The following PLCB1 variants were observed in gnomAD, a reference collection of about 807,000 sequenced individuals.
The protein encoded by PLCB1 is 1-phosphatidylinositol 4,5-bisphosphate phosphodiesterase beta-1.
In PLCB1, 46 loss-of-function variants were observed where a neutral mutation model predicts 161.8. The ratio of observed to expected loss-of-function variants is 0.28; its 90% CI spans 0.22 to 0.36. The LOEUF is 0.36. Among genes scored for constraint, PLCB1 ranks in the 10% least tolerant of loss-of-function variants. PLCB1 has a pLI of 1.00. For missense variants in PLCB1, 1,016 were observed against 1,472.5 expected, an observed-to-expected ratio of 0.69 and a Z score of 5.07; for synonymous variants, 517 against 503.7, an observed-to-expected ratio of 1.03 and a Z score of -0.35.
Position 8,199,775 on chromosome 20 carries a change from G to A in PLCB1, c.177+49404G>A, listed in dbSNP as rs375778868. Among the ~76,000 whole-genome samples, 19 of 151,882 alleles carry A rather than the reference G, an allele frequency of 1.3e-4. No homozygotes were observed. In the East Asian group the frequency reaches 2.1e-3, roughly 17 times the overall value. Reference sequence around the variant, plus strand: ...AACTACATAATGAAGATCTTTGTACGTACTAATATTTAATATGTGATAATG... The same window carrying A: ...AACTACATAATGAAGATCTTTGTACATACTAATATTTAATATGTGATAATG... On this transcript the variant is annotated intron_variant, in intron 2 of 31. Coordinates refer to ENST00000338037, the MANE Select transcript of PLCB1 (RefSeq NM_015192.4).
intron 4 of PLCB1, among the ~76,000 whole-genome samples, chr20:8,644,977 G>A (rs1989118970): frequency 6.6e-6 from 1 of 152,158 alleles, no homozygotes; most frequent in South Asian, 2.1e-4. Flanking sequence ...ATTTTGTTCT[G>A]TACTAAGAAA....
At chr20:8,242,688 A>G (rs1218885104) in intron 2 of PLCB1, among the ~76,000 whole-genome samples, 1 of 151,990 alleles carries the variant, frequency 6.6e-6, no homozygotes, top group Admixed American at 6.6e-5. Flanking sequence ...TGAGGATGCA[A>G]GAAGTTACCT....
At chr20:8,188,285 C>G (rs565146201) in intron 2 of PLCB1, among the ~76,000 whole-genome samples, 1 of 152,074 alleles carries the variant, frequency 6.6e-6, no homozygotes, top group Non-Finnish European at 1.5e-5. Context: ...ATTCCTTTGG[C>G]CAAAGCAAGT....
intron 23 of PLCB1, among the ~76,000 whole-genome samples, chr20:8,749,421 T>C (rs1981339740): frequency 6.6e-6 from 1 of 152,218 alleles, no homozygotes; most frequent in Admixed American, 6.5e-5. Context: ...CTGGGAATTA[T>C]CCAGAATTTG....
intron 2 of PLCB1, among the ~76,000 whole-genome samples, chr20:8,186,739 G>T (rs1436829839): frequency 6.6e-6 from 1 of 151,460 alleles, no homozygotes; most frequent in Non-Finnish European, 1.5e-5. Context: ...AAAAAAGGGA[G>T]GCAGCTGGGG....
chr20:8,422,405 A>C (rs546404463), intron 3 of PLCB1, among the ~76,000 whole-genome samples: 1 of 152,348 alleles, frequency 6.6e-6, no homozygotes, highest in African/African-American at 2.4e-5. Context: ...AAATATCTCT[A>C]TCAGAAGCAA....
chr20:8,398,752 T>C lies in PLCB1; in HGVS notation c.246+27302T>C, dbSNP rs187640023. On this transcript the variant is annotated intron_variant, in intron 3 of 31. Coordinates refer to ENST00000338037, the MANE Select transcript of PLCB1 (RefSeq NM_015192.4). Reference sequence around the variant, plus strand: ...ATTCACTTAATAGCACAATGCTCATTTGCATAATTTGCACTTTTTTTTTTT... The same window carrying C: ...ATTCACTTAATAGCACAATGCTCATCTGCATAATTTGCACTTTTTTTTTTT... Among the ~76,000 whole-genome samples, 1,451 of 152,200 alleles carry C rather than the reference T, an allele frequency of 9.5e-3. 13 individuals are homozygous for C. The highest frequency in any genetic ancestry group is 0.012 in the Non-Finnish European group (806 of 68,022).
At chr20:8,791,039 GTTAAAAAACGTTAGTTTTATT>G (rs1457327561) in intron 31 of PLCB1, among the ~76,000 whole-genome samples, 3 of 151,968 alleles carry the variant, frequency 2.0e-5, no homozygotes, top group Non-Finnish European at 4.4e-5. Context: ...AGTCCTAAAA[GTTAAAAAACGTTAGTTTTATT>G]TAATTGTATG....
At chr20:8,679,276 T>C (rs1479170276) in intron 9 of PLCB1, among the ~76,000 whole-genome samples, 2 of 152,198 alleles carry the variant, frequency 1.3e-5, no homozygotes, top group East Asian at 1.9e-4. Context: ...TTTTAGAAGC[T>C]AATAGATAAA....
chr20:8,209,309 G>C (rs1978696738), intron 2 of PLCB1, among the ~76,000 whole-genome samples: 1 of 152,076 alleles, frequency 6.6e-6, no homozygotes, highest in African/African-American at 2.4e-5. Flanking sequence ...AAGCCAGTTT[G>C]CAGTTTTTCA....
At chr20:8,482,516 CT>C (rs1982547841) in intron 3 of PLCB1, among the ~76,000 whole-genome samples, 1 of 152,094 alleles carries the variant, frequency 6.6e-6, no homozygotes, top group Non-Finnish European at 1.5e-5. Context: ...AAGGATATTT[CT>C]TTAAAGATCT....
chr20:8,696,969 G>A (rs914412666), intron 10 of PLCB1, among the ~76,000 whole-genome samples: 2 of 152,256 alleles, frequency 1.3e-5, no homozygotes, highest in South Asian at 2.1e-4. Flanking sequence ...TCCTGACCTC[G>A]TGATCCGCTC....
intron 3 of PLCB1, among the ~76,000 whole-genome samples, chr20:8,418,999 C>T (rs1341217505): frequency 6.6e-6 from 1 of 152,128 alleles, no homozygotes; most frequent in Admixed American, 6.5e-5. Flanking sequence ...GATGTTTTCA[C>T]CAAAGCTCAT....
intron 2 of PLCB1, among the ~76,000 whole-genome samples, chr20:8,284,434 T>C (rs1293740057): frequency 1.3e-5 from 2 of 152,160 alleles, no homozygotes; most frequent in Non-Finnish European, 2.9e-5. Flanking sequence ...GCCTGAGTTT[T>C]ATTTCTTTGT....
chr20:8,787,579 A>C (rs1983550180), intron 27 of PLCB1, among the ~76,000 whole-genome samples: 1 of 152,240 alleles, frequency 6.6e-6, no homozygotes, highest in Non-Finnish European at 1.5e-5. Context: ...GGTTGAGTCC[A>C]GTTGCTACAG....
At chr20:8,441,229 C>T (rs1422255248) in intron 3 of PLCB1, among the ~76,000 whole-genome samples, 1 of 152,136 alleles carries the variant, frequency 6.6e-6, no homozygotes. Flanking sequence ...TGGCATTAGG[C>T]ATCTATGGTT....
chr20:8,151,059 A>G (rs538445145), intron 2 of PLCB1, among the ~76,000 whole-genome samples: 1 of 152,300 alleles, frequency 6.6e-6, no homozygotes, highest in East Asian at 1.9e-4. Context: ...ACACTCATGG[A>G]AAGTGGTTAT....
chr20:8,433,574 G>A (rs1980154124), intron 3 of PLCB1, among the ~76,000 whole-genome samples: 1 of 147,112 alleles, frequency 6.8e-6, no homozygotes, highest in Admixed American at 6.7e-5. Flanking sequence ...TTTCTGGGTT[G>A]TAAATGCAAG....
intron 2 of PLCB1, among the ~76,000 whole-genome samples, chr20:8,299,421 C>T (rs2034847386): frequency 6.6e-6 from 1 of 152,132 alleles, no homozygotes; most frequent in African/African-American, 2.4e-5. Flanking sequence ...GACACACACA[C>T]AACTTTCAGG....
Sources: allele counts gnomAD v4.1 joint callset (sites outside exome capture counted in the v4.1 genomes callset), GRCh38; gene constraint gnomAD v4.1.1; transcripts MANE v1.5; gene names NCBI Gene and HGNC (gene_info 2026-07-23, HGNC 2026-07-21).